DCTN1: variants seen among roughly 807,000 people sequenced by gnomAD.
DCTN1 encodes dynactin subunit 1.
DCTN1 carries 61 observed loss-of-function variants against 161.2 expected under a neutral mutation model. The observed-to-expected ratio is 0.38, with a 90% confidence interval of 0.31 to 0.47. DCTN1 has a LOEUF of 0.47. Among genes scored for constraint, DCTN1 ranks in the 20% least tolerant of loss-of-function variants. DCTN1 has a pLI of 0.99. For missense variants in DCTN1, 1,404 were observed against 1,623.7 expected (o/e 0.86, Z 2.33); for synonymous variants, 653 against 632.4 (o/e 1.03, Z -0.49).
chr2:74,364,984 A>T (rs1335166030), intron 26 of DCTN1, 91 bp downstream of exon 26: 2 of 1,531,962 alleles, frequency 1.3e-6, no homozygotes, highest in Non-Finnish European at 1.8e-6. Flanking sequence ...ACCCGGGGGT[A>T]AGGGGGGTGG....
At chr2:74,382,013 G>T (rs1426977451), upstream of DCTN1, among the ~76,000 whole-genome samples, 1 of 152,134 alleles carries the variant, frequency 6.6e-6, no homozygotes, top group East Asian at 1.9e-4. Flanking sequence ...AGACTGTGAG[G>T]AGTAGAGCCA....
intron 6 of DCTN1, chr2:74,373,487 T>G (rs1675018870): frequency 5.4e-6 from 1 of 184,938 alleles, no homozygotes; most frequent in Non-Finnish European, 1.2e-5. Flanking sequence ...AATGCTGCTG[T>G]CCTCCCTCCC....
In DCTN1 at chr2:74,380,017, G is replaced by A. The variant is rs373040626; in HGVS notation, c.21C>T (p.His7=). The change falls in exon 1 of 32, where the codon CAC becomes CAT. Residue 7 remains histidine (H), a synonymous_variant. Coordinates refer to ENST00000628224, the MANE Select transcript of DCTN1 (RefSeq NM_004082.5). ...TAGGGCCACTTACCCGGCTGTACAC[G>A]TGCCTCTTGCTCTGTGCCATGTTGC... MAQSKR[H]VYSRTPSGSR... The A allele has an allele frequency of 1.4e-5, 22 of 1,613,998 alleles. No homozygotes were observed. The highest frequency in any genetic ancestry group is 8.9e-5 in the East Asian group (4 of 44,902).
intron 21 of DCTN1, 69 bp downstream of exon 21, chr2:74,366,714 G>A: frequency 2.5e-6 from 4 of 1,614,170 alleles, no homozygotes; most frequent in East Asian, 2.2e-5. Context: ...ACCAGATCCA[G>A]ATCTTCAAGT....
In DCTN1 at chr2:74,369,281, G is replaced by A. The variant is rs762724147; in HGVS notation, c.1584+19C>T. Reference sequence around the variant, plus strand: ...GCCCTGGGGTGATGGTGGGCAGAGAGCAAACAGTGGGCATGTACCTGTAGA... The same window carrying A: ...GCCCTGGGGTGATGGTGGGCAGAGAACAAACAGTGGGCATGTACCTGTAGA... On this transcript the variant is annotated intron_variant, in intron 14 of 31. Transcript: ENST00000628224. This position sits in a 1 kb window ranked among gnomAD's most constrained non-coding sequence, Gnocchi z 4.9. The A allele has an allele frequency of 1.9e-6, 3 of 1,614,098 alleles. No individual in the cohort carries two copies. In the African/African-American group the frequency reaches 4.0e-5, roughly 22 times the overall value.
chr2:74,377,930 C>T, intron 2 of DCTN1, 70 bp downstream of exon 2: 2 of 1,603,602 alleles, frequency 1.2e-6, no homozygotes, highest in Middle Eastern at 1.7e-4. Context: ...AAACGAAGTA[C>T]CAACACATCA....
chr2:74,363,773 A>C (rs182700067), intron 26 of DCTN1, 145 bp from the exon 27 acceptor site: 14 of 1,063,254 alleles, frequency 1.3e-5, no homozygotes. Context: ...CTCTAACAAG[A>C]CTCTCTGCCA....
Position 74,370,994 on chromosome 2 carries a change from G to A in DCTN1, c.828C>T (p.Leu276=), listed in dbSNP as rs1269590135. 6.2e-7 allele frequency: 1 copy of A among 1,613,972 alleles called. No individual in the cohort carries two copies. Among genetic ancestry groups the A allele is most frequent in the Non-Finnish European group, 8.5e-7 (1 of 1,180,030 alleles). Residue 276 remains leucine (L), a synonymous_variant, in exon 9 of 32, where the codon CTC becomes CTT. Transcript: ENST00000628224. This position sits in a 1 kb window ranked among gnomAD's most constrained non-coding sequence, Gnocchi z 4.4. ...QEQQADLQRR[L]KEARKEAKEA... ...AGAGTCAAACCTTTCTCGCCTCCTT[G>A]AGGCGCCGCTGCAGGTCGGCCTGCT...
At chr2:74,377,350 T>C (rs1675283839) in intron 4 of DCTN1, 82 bp downstream of exon 4, 2 of 1,265,938 alleles carry the variant, frequency 1.6e-6, no homozygotes, top group African/African-American at 2.9e-5. Context: ...CTACTACTTC[T>C]ACCTGCCTAG....
rs775998968 is a variant in DCTN1 at position 74,370,097 on chromosome 2, G to T, written c.1288-28C>A. Reference sequence around the variant, plus strand: ...GTGTTACGGGGAGGATAGGGAGAAGGGCTGCTGGAAGGTACCTAGAAAGAG... The same window carrying T: ...GTGTTACGGGGAGGATAGGGAGAAGTGCTGCTGGAAGGTACCTAGAAAGAG... On this transcript the variant is annotated intron_variant, in intron 12 of 31. Transcript: ENST00000628224. The surrounding 1 kb of genome is among the most constrained non-coding windows in gnomAD (Gnocchi z 4.4). 8 of 1,613,992 alleles carry T rather than the reference G, an allele frequency of 5.0e-6. No individual in the cohort carries two copies. In the Admixed American group the frequency reaches 1.2e-4, roughly 24 times the overall value.
rs1282851211 is a variant in DCTN1, at chr2:74,370,302, G to T, written c.1171C>A (p.Leu391Ile). The change falls in exon 12 of 32, where the codon CTC becomes ATC. Residue 391 changes from leucine to isoleucine, a missense_variant. Leu to Ile is a conservative substitution (Grantham distance 5). This residue lies in a region of DCTN1 where 278 missense variants were observed against 363.8 expected (regional missense o/e 0.76). Transcript: ENST00000628224. This position sits in a 1 kb window ranked among gnomAD's most constrained non-coding sequence, Gnocchi z 4.4. The part of the protein sequence containing the change: ...SSSEKQEHVK[L>I]QKLMEKKNQE... Reference sequence around the variant, plus strand: ...TTCTTCTTTTCCATGAGCTTCTGGAGCTTCACATGCTCCTGCTTCTCTGAG... The same window carrying T: ...TTCTTCTTTTCCATGAGCTTCTGGATCTTCACATGCTCCTGCTTCTCTGAG... The T allele has an allele frequency of 2.5e-6, 4 of 1,613,952 alleles. No individual in the cohort carries two copies. Among genetic ancestry groups the T allele is most frequent in the Non-Finnish European group, 3.4e-6 (4 of 1,180,044 alleles).
intron 1 of DCTN1, among the ~76,000 whole-genome samples, chr2:74,379,771 C>T (rs1675425223): frequency 6.6e-6 from 1 of 152,140 alleles, no homozygotes; most frequent in Admixed American, 6.5e-5. Flanking sequence ...GGTATGAGGG[C>T]CAATTAGAGT....
chr2:74,380,397 G>C (rs986795915), upstream of DCTN1: 3 of 507,822 alleles, frequency 5.9e-6, no homozygotes, highest in African/African-American at 3.9e-5. Context: ...CAGAAACTAA[G>C]GGCTGGGCAT....
At chr2:74,366,052 G>A in intron 23 of DCTN1, 34 bp from the exon 24 acceptor site, 1 of 1,614,096 alleles carries the variant, frequency 6.2e-7, no homozygotes, top group South Asian at 1.1e-5. Flanking sequence ...GAGAAAGTGA[G>A]GGTGGAGAGA....
In DCTN1 at chr2:74,367,692, A is replaced by T; in HGVS notation, c.2184+4T>A. The T allele has an allele frequency of 1.9e-6, 3 of 1,614,158 alleles. No individual in the cohort carries two copies. Among genetic ancestry groups the T allele is most frequent in the Non-Finnish European group, 2.5e-6 (3 of 1,180,026 alleles). The stretch of plus-strand genomic sequence containing the variant: ...TGCCCCAAGCCCAAATTCTTGCCCC[A>T]CACCTGATAGTACTTGATGGCCTTG... On this transcript the variant is annotated splice_donor_region_variant and intron_variant, in intron 18 of 31. Transcript: ENST00000628224.
chr2:74,377,698 G>T lies in DCTN1; in HGVS notation c.308C>A (p.Thr103Asn). 1 of 1,614,078 alleles carries T rather than the reference G, an allele frequency of 6.2e-7. No individual in the cohort carries two copies. The stretch of plus-strand genomic sequence containing the variant: ...AGAATCAGGTGTCTCTGGGGAAGTA[G>T]TATCTGCTCCATCTTCAAATACCTG... Reference protein sequence around the residue: ...QIQVFEDGADTTSPETPDSSA... With the variant: ...QIQVFEDGADNTSPETPDSSA... Residue 103 changes from threonine to asparagine, a missense_variant, in exon 3 of 32, where the codon ACT becomes AAT. Transcript: ENST00000628224.
At chr2:74,364,910 G>A (rs747962165) in intron 26 of DCTN1, 165 bp downstream of exon 26, 38 of 826,970 alleles carry the variant, frequency 4.6e-5, no homozygotes, top group Middle Eastern at 2.5e-4. Flanking sequence ...CATCTTCAGC[G>A]GAAGGGAAAA....
upstream of DCTN1, among the ~76,000 whole-genome samples, chr2:74,382,758 C>T (rs908020827): frequency 1.3e-5 from 2 of 151,958 alleles, no homozygotes; most frequent in Non-Finnish European, 2.9e-5. Context: ...CTAAGCATGC[C>T]TTGAATTATG....
intron 21 of DCTN1, 23 bp downstream of exon 21, chr2:74,366,760 C>A (rs762324213): frequency 1.2e-6 from 2 of 1,614,248 alleles, no homozygotes; most frequent in South Asian, 2.2e-5. Flanking sequence ...GTTTCCTTCC[C>A]TTCCCCAGTT....
Sources: allele counts gnomAD v4.1 joint callset (sites outside exome capture counted in the v4.1 genomes callset), GRCh38; gene constraint gnomAD v4.1.1; regional missense constraint gnomAD v4.1.1; non-coding constraint Gnocchi (gnomAD v3.1); transcripts MANE v1.5; gene names NCBI Gene and HGNC (gene_info 2026-07-23, HGNC 2026-07-21).